Variants in NCL observed in about 807,000 individuals in gnomAD.
NCL encodes nucleolin multifunctional protein.
NCL carries 4 observed loss-of-function variants against 77.7 expected under a neutral mutation model. That is an observed-to-expected ratio of 0.05 (90% CI 0.03 to 0.12). The LOEUF (loss-of-function observed/expected upper bound fraction) is 0.12. NCL is among the 10% of genes least tolerant of loss of function. The pLI, the probability that NCL is intolerant of heterozygous loss-of-function variation, is 1.00. For missense variants in NCL, 763 were observed against 860.9 expected, an observed-to-expected ratio of 0.89 and a Z score of 1.42; for synonymous variants, 344 against 297.8, an observed-to-expected ratio of 1.16 and a Z score of -1.60.
rs2046866799 is a variant in NCL, at chr2:231,454,819, T to C, written c.*372A>G. On this transcript the variant is annotated 3_prime_UTR_variant, in exon 14 of 14. Coordinates refer to ENST00000322723, the MANE Select transcript of NCL (RefSeq NM_005381.3). The stretch of plus-strand genomic sequence containing the variant: ...AAAAACCATGATAAAACATTCTGCT[T>C]TCTTTTCTTTTACAACCCCACGAAC... 5.8e-6 allele frequency: 1 copy of C among 173,772 alleles called. No individual in the cohort carries two copies. The highest frequency in any genetic ancestry group is 2.4e-5 in the African/African-American group (1 of 41,522). The allele number at this position is 173,772 out of a possible 1,614,324, so 10.8% of individuals were successfully genotyped here. A position where few individuals can be genotyped will look rare whatever the true frequency, so the allele number is the denominator to read the frequency against.
chr2:231,461,865 C>G lies in NCL; in HGVS notation c.288G>C (p.Lys96Asn). The change falls in exon 3 of 14, where the codon AAG becomes AAC. Residue 96 changes from lysine to asparagine, a missense_variant. Lys to Asn is a moderately conservative substitution (Grantham distance 94). Transcript: ENST00000322723. ...GKKAAATPAK[K>N]TVTPAKAVTT... is the part of the protein sequence containing the mutation. ...TAACTGCTTTGGCTGGTGTAACTGT[C>G]TTCTTGGCAGGTGTTGCTGCTGCCT... 6.2e-7 allele frequency: 1 copy of G among 1,614,238 alleles called. No homozygotes were observed. Among genetic ancestry groups the G allele is most frequent in the Non-Finnish European group, 8.5e-7 (1 of 1,180,052 alleles).
chr2:231,460,088 G>A, intron 6 of NCL, 64 bp downstream of exon 6: 2 of 1,516,512 alleles, frequency 1.3e-6, no homozygotes, highest in Admixed American at 2.0e-5. Flanking sequence ...AAGTAACTGT[G>A]CTAACAGGGG....
rs767494004 is a variant in NCL at position 231,456,004 on chromosome 2, C to T, written c.1832+6G>A. 6.2e-6 allele frequency: 10 copies of T among 1,614,206 alleles called. No homozygotes were observed. In the South Asian group the frequency reaches 1.1e-4, roughly 18 times the overall value. On this transcript the variant is annotated splice_donor_region_variant and intron_variant, in intron 12 of 13. Coordinates refer to ENST00000322723, the MANE Select transcript of NCL (RefSeq NM_005381.3). ...TGGAAGCAGCACTCACGCTTCCTTC[C>T]CTTACCCTTTGGAGGACCCAGTTTC...
intron 12 of NCL, 40 bp downstream of exon 12, chr2:231,455,970 C>A: frequency 6.2e-7 from 1 of 1,613,994 alleles, no homozygotes; most frequent in South Asian, 1.1e-5. Context: ...GAACAAAAAC[C>A]CCTTCAAGTG....
intron 7 of NCL, 54 bp from the exon 8 acceptor site, chr2:231,458,443 G>T (rs1575260218): frequency 1.3e-6 from 2 of 1,588,556 alleles, no homozygotes; most frequent in Non-Finnish European, 1.7e-6. Context: ...AAAGGTGGGG[G>T]GCAACAACAA....
At chr2:231,456,207 G>A (rs2046886296) in intron 11 of NCL, 71 bp from the exon 12 acceptor site, 7 of 1,578,168 alleles carry the variant, frequency 4.4e-6, no homozygotes, top group Non-Finnish European at 1.7e-6. Context: ...ACAATGCCTA[G>A]TATGACTACT....
At chr2:231,460,451 C>T in intron 5 of NCL, 27 bp downstream of exon 5, 8 of 1,605,058 alleles carry the variant, frequency 5.0e-6, no homozygotes, top group Non-Finnish European at 6.8e-6. Flanking sequence ...GTTTATCTCC[C>T]CCATATCCCC....
rs527397070 is a variant in NCL, at chr2:231,460,068, T to G, written c.1040+84A>C. On this transcript the variant is annotated intron_variant, in intron 6 of 13. Transcript: ENST00000322723. ...TGTTTACAGTATTCATGTTTAACAG[T>G]AGCAGGCTAAAGTAACTGTGCTAAC... 21 of 1,391,876 alleles carry G rather than the reference T, an allele frequency of 1.5e-5. No individual in the cohort carries two copies. The East Asian group carries it at 3.7e-4, about 24-fold the overall frequency. 86.2% of individuals were successfully genotyped at this position (1,391,876 alleles called of 1,614,324 possible).
chr2:231,459,287 C>T (rs1346171482), intron 6 of NCL, among the ~76,000 whole-genome samples, 162 bp from the exon 7 acceptor site: 1 of 152,204 alleles, frequency 6.6e-6, no homozygotes, highest in Non-Finnish European at 1.5e-5. Context: ...ACTGCAGCTA[C>T]AGAACAAGGT....
chr2:231,464,270 G>A, intron 1 of NCL, 66 bp downstream of exon 1: 35 of 1,538,196 alleles, frequency 2.3e-5, no homozygotes, highest in Non-Finnish European at 3.0e-5. Flanking sequence ...CCTCCTCCCC[G>A]CGGCGCCGCG....
intron 12 of NCL, 117 bp downstream of exon 12, chr2:231,455,893 C>G (rs759419449): frequency 6.6e-7 from 1 of 1,508,444 alleles, no homozygotes; most frequent in South Asian, 1.1e-5. Flanking sequence ...CGTGCGAATC[C>G]ATAAACTGCC....
chr2:231,456,494 T>G (rs1271108469), intron 11 of NCL, 137 bp downstream of exon 11: 4 of 1,369,454 alleles, frequency 2.9e-6, no homozygotes, highest in Non-Finnish European at 4.2e-6. Context: ...TTTCATCAAT[T>G]ATTTCTCAGG....
intron 1 of NCL, chr2:231,463,671 G>A (rs571357249): frequency 8.6e-6 from 2 of 232,364 alleles, no homozygotes; most frequent in African/African-American, 4.7e-5. Context: ...TAACGGTGAA[G>A]ATCATTAAGG....
rs1352543768 is a variant in NCL at position 231,464,461 on chromosome 2, G to A, written c.-108C>T. 6 of 1,445,374 alleles carry A rather than the reference G, an allele frequency of 4.2e-6. No homozygotes were observed. The highest frequency in any genetic ancestry group is 5.7e-6 in the Non-Finnish European group (6 of 1,051,580). The allele number at this position is 1,445,374 out of a possible 1,614,324, so 89.5% of individuals were successfully genotyped here. A position where few individuals can be genotyped will look rare whatever the true frequency, so the allele number is the denominator to read the frequency against. ...TGAAGATCCCGGAGCACGTACACCC[G>A]AAGGCCAGCGAGAGCTCGAGACTGA... On this transcript the variant is annotated 5_prime_UTR_variant, in exon 1 of 14. Transcript: ENST00000322723.
In NCL at chr2:231,461,550, A is replaced by G. The variant is rs371218401; in HGVS notation, c.603T>C (p.Asp201=). 5.0e-6 allele frequency: 8 copies of G among 1,612,774 alleles called. No homozygotes were observed. Among genetic ancestry groups the G allele is most frequent in the Admixed American group, 3.3e-5 (2 of 59,966 alleles). ...DDEDDEDDDD[D]EEDDSEEEAM... ...AAGACAACTCCTTACCATCTTCCTC[A>G]TCGTCATCGTCATCCTCATCATCTT... Residue 201 remains aspartate (D), a synonymous_variant, in exon 3 of 14, where the codon GAT becomes GAC. Transcript: ENST00000322723.
intron 9 of NCL, 121 bp downstream of exon 9, chr2:231,457,522 T>G (rs2046902825): frequency 2.0e-5 from 21 of 1,042,060 alleles, no homozygotes; most frequent in Admixed American, 6.7e-5. Context: ...ATCATGTCCT[T>G]GATCTTCACC....
chr2:231,458,569 C>T (rs2046915135), intron 7 of NCL, 180 bp from the exon 8 acceptor site: 2 of 738,652 alleles, frequency 2.7e-6, no homozygotes, highest in Admixed American at 6.2e-5. Context: ...GTGGTCCCTC[C>T]ATGTTGTCAC....
At chr2:231,459,673 G>A (rs913155782) in intron 6 of NCL, among the ~76,000 whole-genome samples, 15 of 151,986 alleles carry the variant, frequency 9.9e-5, no homozygotes, top group South Asian at 2.1e-4. Context: ...TCGAGAGGCC[G>A]AGGTGGGTGG....
chr2:231,456,823 A>G (rs2046893569), intron 10 of NCL, 59 bp from the exon 11 acceptor site: 2 of 1,602,662 alleles, frequency 1.2e-6, no homozygotes, highest in Non-Finnish European at 1.7e-6. Context: ...CTTCACTGTC[A>G]CATGATGCTG....
Sources: allele counts gnomAD v4.1 joint callset (sites outside exome capture counted in the v4.1 genomes callset), GRCh38; gene constraint gnomAD v4.1.1; transcripts MANE v1.5; gene names NCBI Gene and HGNC (gene_info 2026-07-23, HGNC 2026-07-21).